NF1: variants seen among roughly 807,000 people sequenced by gnomAD.
NF1 encodes the protein neurofibromin.
Under a neutral mutation model 325.7 loss-of-function variants are expected in NF1, and 122 were observed. The observed-to-expected ratio is 0.37, with a 90% CI of 0.32 to 0.44. NF1 has a LOEUF of 0.44. Among genes scored for constraint, NF1 ranks in the 20% least tolerant of loss-of-function variants. The pLI is 1.00. For synonymous variants in NF1, 1,091 were observed against 1,186.0 expected (o/e 0.92, Z 1.65); for missense variants, 2,140 against 3,415.4 (o/e 0.63, Z 9.31).
intron 4 of NF1, among the ~76,000 whole-genome samples, chr17:31,165,569 G>C (rs975136114): frequency 7.9e-5 from 12 of 152,182 alleles, no homozygotes; most frequent in African/African-American, 2.7e-4. Flanking sequence ...AGATGAATCA[G>C]TATCATGAAG....
At chr17:31,161,420 G>A (rs1342697551) in intron 3 of NF1, among the ~76,000 whole-genome samples, 5 of 152,152 alleles carry the variant, frequency 3.3e-5, no homozygotes, top group Non-Finnish European at 5.9e-5. Context: ...GCATACAATT[G>A]TACACATTTT....
At chr17:31,153,146 C>T (rs765325079) in intron 1 of NF1, among the ~76,000 whole-genome samples, 47 of 152,248 alleles carry the variant, frequency 3.1e-4, no homozygotes, top group Admixed American at 5.2e-4. Flanking sequence ...TCAGCAGTTT[C>T]TTCTCAGTGT....
At chr17:31,360,449 A>G (rs2151587445) in intron 56 of NF1, 38 bp from the exon 57 acceptor site, 1 of 1,585,098 alleles carries the variant, frequency 6.3e-7, no homozygotes, top group Non-Finnish European at 8.7e-7. Flanking sequence ...TTTACTTAAA[A>G]AAAAGGAACT....
chr17:31,299,834 A>C (rs2068538558), intron 36 of NF1, among the ~76,000 whole-genome samples: 2 of 151,678 alleles, frequency 1.3e-5, no homozygotes, highest in Non-Finnish European at 2.9e-5. Flanking sequence ...TGTTGCCAAA[A>C]CTCAGTCAAT....
Position 31,226,533 on chromosome 17 carries a change from T to C in NF1, c.2100T>C (p.Thr700=), listed in dbSNP as rs2151425785. 1 of 1,613,914 alleles carries C rather than the reference T, an allele frequency of 6.2e-7. No homozygotes were observed. The highest frequency in any genetic ancestry group is 8.5e-7 in the Non-Finnish European group (1 of 1,179,828). The change falls in exon 18 of 58, where the codon ACT becomes ACC. Residue 700 remains threonine, a synonymous_variant. Coordinates refer to ENST00000358273, the MANE Select transcript of NF1 (RefSeq NM_001042492.3). ...ACATGTTTCTGTGGAACCCTGACAC[T>C]GAAGCTGTTCTGGTTGCCATGTCCT... ...ALYMFLWNPD[T]EAVLVAMSCF...
At chr17:31,310,802 G>A (rs894936471) in intron 36 of NF1, among the ~76,000 whole-genome samples, 63 of 151,984 alleles carry the variant, frequency 4.1e-4, no homozygotes, top group African/African-American at 1.5e-3. Context: ...TTATAGGCTG[G>A]CACTTTGAGG....
intron 30 of NF1, chr17:31,249,852 A>G (rs1364264886): frequency 2.4e-6 from 1 of 422,422 alleles, no homozygotes; most frequent in Non-Finnish European, 4.8e-6. Flanking sequence ...GGAAACTGTG[A>G]TTCTGGAAGA....
intron 55 of NF1, 25 bp from the exon 56 acceptor site, chr17:31,358,944 A>G (rs2070338459): frequency 6.2e-7 from 1 of 1,605,920 alleles, no homozygotes; most frequent in Non-Finnish European, 8.5e-7. Context: ...TGCTTGTTAT[A>G]AGAGTAAAAT....
intron 36 of NF1, chr17:31,295,026 C>T: frequency 1.9e-6 from 3 of 1,614,094 alleles, no homozygotes; most frequent in Non-Finnish European, 1.7e-6. Flanking sequence ...GCCAGCATGA[C>T]CACAACATTG....
intron 5 of NF1, among the ~76,000 whole-genome samples, chr17:31,177,220 G>A (rs1304893685): frequency 6.6e-6 from 1 of 152,140 alleles, no homozygotes; most frequent in African/African-American, 2.4e-5. Flanking sequence ...TCCAGAGGTA[G>A]GAACACGCAG....
At position 31,159,887 on chromosome 17, in the gene NF1, A is replaced by G. The variant is rs17886113; in HGVS notation, c.288+794A>G. ...AGAATTCAGAATTTTGTTTTGATTC[A>G]GAATTGCTTCCCTCTTCACATATGT... On this transcript the variant is annotated intron_variant, in intron 3 of 57. Transcript: ENST00000358273. 8.9e-3 allele frequency among the ~76,000 whole-genome samples: 1,361 copies of G among 152,238 alleles called. 19 individuals carry two copies. The highest frequency in any genetic ancestry group is 0.031 in the African/African-American group (1,302 of 41,534).
intron 2 of NF1, among the ~76,000 whole-genome samples, chr17:31,157,924 C>T (rs1009139046): frequency 3.9e-5 from 6 of 151,940 alleles, no homozygotes; most frequent in African/African-American, 1.2e-4. Flanking sequence ...CAGGATGCGC[C>T]ACTGCACTCC....
At chr17:31,318,875 T>C (rs571666003) in intron 36 of NF1, 4 of 1,614,114 alleles carry the variant, frequency 2.5e-6, no homozygotes, top group Admixed American at 3.3e-5. Flanking sequence ...TTGTTTTGAA[T>C]AACTGAATCC....
intron 57 of NF1, among the ~76,000 whole-genome samples, chr17:31,365,796 G>A (rs2070505560): frequency 6.6e-6 from 1 of 152,040 alleles, no homozygotes; most frequent in African/African-American, 2.4e-5. Flanking sequence ...GTTGTACCTT[G>A]TACTATATAG....
Position 31,200,433 on chromosome 17 carries a change from G to A in NF1, c.900G>A (p.Leu300=). The A allele has an allele frequency of 6.2e-7, 1 of 1,613,966 alleles. No homozygotes were observed. The highest frequency in any genetic ancestry group is 1.1e-5 in the South Asian group (1 of 91,078). ...TTTGAATTCTGTAGAAGTTATTTCTGGACAGTCTACGAAAAGCTCTTGCTG... is the reference window on the plus strand; with the variant it reads ...TTTGAATTCTGTAGAAGTTATTTCTAGACAGTCTACGAAAAGCTCTTGCTG... The part of the protein sequence containing the change: ...DENNMNKKLF[L]DSLRKALAGH... Residue 300 remains leucine, a synonymous_variant, in exon 9 of 58, where the codon CTG becomes CTA. Transcript: ENST00000358273.
intron 36 of NF1, among the ~76,000 whole-genome samples, chr17:31,268,624 TAA>T (rs1296165385): frequency 0.03 from 3,550 of 118,156 alleles, 168 homozygotes; most frequent in African/African-American, 0.1. Context: ...AGACTCTGTC[TAA>T]AAAAAAAAAA....
Position 31,181,442 on chromosome 17 carries a change from G to T in NF1, c.607G>T (p.Ala203Ser), listed in dbSNP as rs904361724. 2 of 1,613,220 alleles carry T rather than the reference G, an allele frequency of 1.2e-6. No individual in the cohort carries two copies. Among genetic ancestry groups the T allele is most frequent in the Non-Finnish European group, 1.7e-6 (2 of 1,179,588 alleles). ...LLKETAFKFK[A>S]LKKVAQLAVI... ...TCCAGAAACAGCATTTAAATTTAAA[G>T]CCCTAAAGAAGGTTGCGCAGTTAGC... The change falls in exon 6 of 58, where the codon GCC (alanine) becomes TCC (serine). Residue 203 changes from alanine to serine, a missense_variant. Physicochemically the swap from Ala to Ser is moderately conservative, Grantham distance 99 (BLOSUM62 1). This residue lies in a region of NF1 where 246 missense variants were observed against 347.8 expected (regional missense o/e 0.71). Coordinates refer to ENST00000358273, the MANE Select transcript of NF1 (RefSeq NM_001042492.3).
At chr17:31,350,633 G>A (rs985048451) in intron 50 of NF1, among the ~76,000 whole-genome samples, 3 of 152,042 alleles carry the variant, frequency 2.0e-5, no homozygotes, top group East Asian at 1.9e-4. Flanking sequence ...AAACTAACGC[G>A]AAATATAAAC....
chr17:31,192,010 C>T (rs1176917435), intron 8 of NF1, among the ~76,000 whole-genome samples: 1 of 152,122 alleles, frequency 6.6e-6, no homozygotes, highest in African/African-American at 2.4e-5. Context: ...GAGCAGTAAT[C>T]CTACATTTTT....
Sources: allele counts gnomAD v4.1 joint callset (sites outside exome capture counted in the v4.1 genomes callset), GRCh38; gene constraint gnomAD v4.1.1; regional missense constraint gnomAD v4.1.1; transcripts MANE v1.5; gene names NCBI Gene and HGNC (gene_info 2026-07-23, HGNC 2026-07-21).